Variants in MCM3 observed in about 807,000 individuals in gnomAD.
MCM3 encodes DNA replication licensing factor MCM3.
MCM3 carries 59 observed loss-of-function variants against 91.3 expected under a neutral mutation model. The ratio of observed to expected loss-of-function variants is 0.65; its 90% CI spans 0.52 to 0.80. The LOEUF (loss-of-function observed/expected upper bound fraction) is 0.80, where lower values mean the gene tolerates loss of function less well. MCM3 is among the 30% of genes least tolerant of loss of function. The pLI, the probability that MCM3 is intolerant of heterozygous loss-of-function variation, is 0.00. For missense variants in MCM3, 919 were observed against 1,035.4 expected, an observed-to-expected ratio of 0.89 and a Z score of 1.54; for synonymous variants, 383 against 379.6, an observed-to-expected ratio of 1.01 and a Z score of -0.10.
chr6:52,268,941 G>T, intron 13 of MCM3, 145 bp downstream of exon 13: 1 of 814,844 alleles, frequency 1.2e-6, no homozygotes, highest in Non-Finnish European at 1.9e-6. Context: ...TCAGAGGAAA[G>T]AGTGAGGCAG....
At chr6:52,280,162 C>T (rs778740999) in intron 4 of MCM3, among the ~76,000 whole-genome samples, 7 of 152,192 alleles carry the variant, frequency 4.6e-5, no homozygotes, top group Non-Finnish European at 1.0e-4. Flanking sequence ...GTAATCCATA[C>T]TGTTAGACAT....
At chr6:52,268,994 A>G in intron 13 of MCM3, 92 bp downstream of exon 13, 2 of 1,386,858 alleles carry the variant, frequency 1.4e-6, no homozygotes, top group Non-Finnish European at 2.0e-6. Flanking sequence ...TTGACAATCC[A>G]AATGTAGCCG....
At chr6:52,279,206 A>G (rs747652488) in intron 5 of MCM3, among the ~76,000 whole-genome samples, 155 bp downstream of exon 5, 13 of 152,248 alleles carry the variant, frequency 8.5e-5, no homozygotes, top group Non-Finnish European at 1.3e-4. Context: ...TTTATCTGAT[A>G]GAAAAGAGGT....
chr6:52,267,502 CTCCCCAG>C (rs17240189), intron 14 of MCM3, among the ~76,000 whole-genome samples: 3,648 of 151,164 alleles, frequency 0.024, 144 homozygotes, highest in African/African-American at 0.084. Flanking sequence ...CTCTACTTCT[CTCCCCAG>C]TCCCACTGGA....
At chr6:52,269,714 A>G (rs939931093) in intron 12 of MCM3, among the ~76,000 whole-genome samples, 1 of 152,258 alleles carries the variant, frequency 6.6e-6, no homozygotes, top group Non-Finnish European at 1.5e-5. Flanking sequence ...ACGTAACTTC[A>G]GTAAACTCAG....
Position 52,273,847 on chromosome 6 carries a change from G to C in MCM3, c.1444C>G (p.Leu482Val), listed in dbSNP as rs745936573. Reference sequence around the variant, plus strand: ...TCCATCTGATCCAGCATGATGAAGAGCAAGTCAAATCGTGACAGCAGTGAG... The same window carrying C: ...TCCATCTGATCCAGCATGATGAAGACCAAGTCAAATCGTGACAGCAGTGAG... Reference protein sequence around the residue: ...QDSLLSRFDLLFIMLDQMDPE... With the variant: ...QDSLLSRFDLVFIMLDQMDPE... Residue 482 changes from leucine (L) to valine (V), a missense_variant, in exon 10 of 17, where the codon CTC becomes GTC. By Grantham distance (32) the Leu-to-Val change is conservative. Transcript: ENST00000596288. 54 of 1,614,016 alleles carry C rather than the reference G, an allele frequency of 3.3e-5. 1 individual carries two copies. The highest frequency in any genetic ancestry group is 1.6e-4 in the Middle Eastern group (1 of 6,082).
Position 52,273,348 on chromosome 6 carries a change from A to G in MCM3, c.1558T>C (p.Leu520=). 6.2e-7 allele frequency: 1 copy of G among 1,614,188 alleles called. No homozygotes were observed. The highest frequency in any genetic ancestry group is 1.1e-5 in the South Asian group (1 of 91,088). The part of the protein sequence containing the change: ...PGEQDGDAMP[L]GSAVDILATD... ...GCCAGGATATCCACAGCACTACCCAAGGGCATAGCTGGTATACCCAAGTTA... is the reference window on the plus strand; with the variant it reads ...GCCAGGATATCCACAGCACTACCCAGGGGCATAGCTGGTATACCCAAGTTA... The change falls in exon 11 of 17, where the codon TTG becomes CTG. Residue 520 remains leucine (L), a synonymous_variant. Coordinates refer to ENST00000596288, the MANE Select transcript of MCM3 (RefSeq NM_002388.6).
intron 13 of MCM3, 59 bp from the exon 14 acceptor site, chr6:52,268,027 C>G (rs1562375288): frequency 6.2e-7 from 1 of 1,612,572 alleles, no homozygotes; most frequent in East Asian, 2.2e-5. Context: ...GGAACTGCAT[C>G]AAGAACTCCC....
chr6:52,279,578 C>T lies in MCM3; in HGVS notation c.553G>A (p.Glu185Lys), dbSNP rs746702174. ...PTKDEENNPL[E>K]TEYGLSVYKD... Reference sequence around the variant, plus strand: ...TAGACAGAAAGGCCATATTCTGTCTCAAGGGGATTGTTCTCCTCATCCTAG... The same window carrying T: ...TAGACAGAAAGGCCATATTCTGTCTTAAGGGGATTGTTCTCCTCATCCTAG... Residue 185 changes from glutamate to lysine, a missense_variant, in exon 5 of 17, where the codon GAG (glutamate) becomes AAG (lysine). Glu to Lys is a moderately conservative substitution (Grantham distance 56). Coordinates refer to ENST00000596288, the MANE Select transcript of MCM3 (RefSeq NM_002388.6). 1 of 1,613,684 alleles carries T rather than the reference C, an allele frequency of 6.2e-7. No individual in the cohort carries two copies. Among genetic ancestry groups the T allele is most frequent in the Non-Finnish European group, 8.5e-7 (1 of 1,179,764 alleles).
Position 52,264,611 on chromosome 6 carries a change from C to G in MCM3, c.2404G>C (p.Glu802Gln). Residue 802 changes from glutamate to glutamine, a missense_variant, in exon 17 of 17, where the codon GAG becomes CAG. Glu to Gln is a conservative substitution (Grantham distance 29, BLOSUM62 2). Coordinates refer to ENST00000596288, the MANE Select transcript of MCM3 (RefSeq NM_002388.6). ...CCTCAGATGAGGAAGATGATGCCCT[C>G]AGACACCATGACCTGATTGTCATCC... ...MQDDNQVMVS[E>Q]GIIFLI 2 of 1,614,214 alleles carry G rather than the reference C, an allele frequency of 1.2e-6. No individual in the cohort carries two copies. The highest frequency in any genetic ancestry group is 1.7e-6 in the Non-Finnish European group (2 of 1,180,044).
chr6:52,264,253 T>G lies in MCM3; in HGVS notation c.*335A>C. The G allele has an allele frequency of 4.0e-6, 1 of 246,996 alleles. No homozygotes were observed. 15.3% of individuals were successfully genotyped at this position (246,996 alleles called of 1,614,324 possible). On this transcript the variant is annotated 3_prime_UTR_variant, in exon 17 of 17. Coordinates refer to ENST00000596288, the MANE Select transcript of MCM3 (RefSeq NM_002388.6). ...CAAAAAAACAGCAAACAGAAAACAG[T>G]TGTGCCCCCAAAAGTACTCAGAAGT...
chr6:52,266,754 A>G, intron 14 of MCM3, 58 bp from the exon 15 acceptor site: 1 of 1,359,302 alleles, frequency 7.4e-7, no homozygotes, highest in Non-Finnish European at 1.1e-6. Flanking sequence ...AAGGCAAGGA[A>G]GCCCCATCAC....
At chr6:52,281,364 G>C (rs1019495184) in intron 4 of MCM3, among the ~76,000 whole-genome samples, 1 of 152,084 alleles carries the variant, frequency 6.6e-6, no homozygotes, top group African/African-American at 2.4e-5. Context: ...AAATGAACAA[G>C]TGTTTTCTTA....
chr6:52,277,211 G>A lies in MCM3; in HGVS notation c.1034-13C>T, dbSNP rs879071457. 13 of 1,609,610 alleles carry A rather than the reference G, an allele frequency of 8.1e-6. No homozygotes were observed. Among genetic ancestry groups the A allele is most frequent in the Non-Finnish European group, 1.1e-5 (13 of 1,177,826 alleles). On this transcript the variant is annotated splice_polypyrimidine_tract_variant and intron_variant, in intron 7 of 16. Coordinates refer to ENST00000596288, the MANE Select transcript of MCM3 (RefSeq NM_002388.6). ...ACGGATGGGTCTCCTGTAGGGTGGG[G>A]GCAGTGATGACTCTCTAGGAAACTC...
rs767408011 is a variant in MCM3 at position 52,282,857 on chromosome 6, G to A, written c.196C>T (p.Leu66=). 6.2e-7 allele frequency: 1 copy of A among 1,613,822 alleles called. No individual in the cohort carries two copies. The highest frequency in any genetic ancestry group is 8.5e-7 in the Non-Finnish European group (1 of 1,179,884). ...ACCAGCTCCTCAAAGGCATTGTTCA[G>A]AAGCCTGTACATAAGCAAGAGAAAG... is the stretch of plus-strand genomic sequence containing the variant. ...RKNEKRANRL[L]NNAFEELVAF... Residue 66 remains leucine, a synonymous_variant, in exon 3 of 17, where the codon CTG becomes TTG. Coordinates refer to ENST00000596288, the MANE Select transcript of MCM3 (RefSeq NM_002388.6).
chr6:52,281,408 G>A (rs1766082102), intron 4 of MCM3, among the ~76,000 whole-genome samples: 1 of 152,244 alleles, frequency 6.6e-6, no homozygotes, highest in East Asian at 1.9e-4. Flanking sequence ...GGGCATGGTG[G>A]TTCATGTCTG....
At position 52,266,693 on chromosome 6, in the gene MCM3, C is replaced by G; in HGVS notation, c.2076G>C (p.Arg692Ser). 6.2e-7 allele frequency: 1 copy of G among 1,613,768 alleles called. No homozygotes were observed. Among genetic ancestry groups the G allele is most frequent in the Non-Finnish European group, 8.5e-7 (1 of 1,179,682 alleles). Residue 692 changes from arginine (R) to serine (S), a missense_variant, in exon 15 of 17, where the codon AGG (arginine) becomes AGC (serine). Physicochemically the swap from Arg to Ser is moderately radical, Grantham distance 110. Coordinates refer to ENST00000596288, the MANE Select transcript of MCM3 (RefSeq NM_002388.6). ...QEDQEQKRKR[R>S]KTRQPDAKDG... Reference sequence around the variant, plus strand: ...CTTTGGCATCTGGCTGGCGAGTCTTCCTTCTAAAATACCCACAGCAGTTAA... The same window carrying G: ...CTTTGGCATCTGGCTGGCGAGTCTTGCTTCTAAAATACCCACAGCAGTTAA...
intron 15 of MCM3, 141 bp from the exon 16 acceptor site, chr6:52,266,285 CAGGCAGAACAATT>C: frequency 1.5e-6 from 1 of 685,666 alleles, no homozygotes; most frequent in African/African-American, 1.8e-5. Context: ...CTTATGGGGC[CAGGCAGAACAATT>C]AGGATATAGG....
chr6:52,270,928 T>G (rs1184590469), intron 12 of MCM3, among the ~76,000 whole-genome samples: 1 of 152,138 alleles, frequency 6.6e-6, no homozygotes, highest in Admixed American at 6.5e-5. Flanking sequence ...CTGGGGGTAT[T>G]AAGAAGTCCC....
Sources: allele counts gnomAD v4.1 joint callset (sites outside exome capture counted in the v4.1 genomes callset), GRCh38; gene constraint gnomAD v4.1.1; transcripts MANE v1.5; gene names NCBI Gene and HGNC (gene_info 2026-07-23, HGNC 2026-07-21).